CALN1: variants seen among roughly 807,000 people sequenced by gnomAD.
The protein encoded by CALN1 is calneuron 1.
Under a neutral mutation model 30.6 loss-of-function variants are expected in CALN1, and 17 were observed. That is an observed-to-expected ratio of 0.56 (90% CI 0.38 to 0.83). The LOEUF is 0.83. Among genes scored for constraint, CALN1 ranks in the 40% least tolerant of loss-of-function variants. The pLI, the probability that CALN1 is intolerant of heterozygous loss-of-function variation, is 0.00. For missense variants in CALN1, 291 were observed against 354.9 expected, an observed-to-expected ratio of 0.82 and a Z score of 1.45; for synonymous variants, 156 against 131.4, an observed-to-expected ratio of 1.19 and a Z score of -1.28.
rs528876740 is a variant in CALN1, at chr7:72,419,476, G to T, written c.-225-7201C>A. Among the ~76,000 whole-genome samples, 6 of 152,182 alleles carry T rather than the reference G, an allele frequency of 3.9e-5. No homozygotes were observed. In the South Asian group the frequency reaches 1.2e-3, roughly 32 times the overall value. ...CAGGTAATCCCCTAAGGCTGGGTTT[G>T]GGAGGCACTGATTTGCCTTTCTTGG... On this transcript the variant is annotated intron_variant, in intron 1 of 6. Transcript: ENST00000395276.
At chr7:72,133,017 G>A (rs977982901) in intron 3 of CALN1, among the ~76,000 whole-genome samples, 1 of 152,200 alleles carries the variant, frequency 6.6e-6, no homozygotes, top group South Asian at 2.1e-4. Context: ...CACTCTTTAT[G>A]AGAATCTAAT....
At position 72,364,173 on chromosome 7, in the gene CALN1, A is replaced by C. The variant is rs182554100; in HGVS notation, c.119+39078T>G. The stretch of plus-strand genomic sequence containing the variant: ...CTTCAGTAGAGAAGCATACCTCATT[A>C]CCAGATAAGAAAATACTTTTGTAAA... On this transcript the variant is annotated intron_variant, in intron 2 of 6. Transcript: ENST00000395275. Among the ~76,000 whole-genome samples the C allele has an allele frequency of 3.3e-5, 5 of 152,332 alleles. No homozygotes were observed. In the East Asian group the frequency reaches 9.6e-4, roughly 29 times the overall value.
chr7:72,169,577 C>A (rs1212854840), intron 3 of CALN1, among the ~76,000 whole-genome samples: 1 of 151,732 alleles, frequency 6.6e-6, no homozygotes, highest in East Asian at 1.9e-4. Flanking sequence ...TTTGCCTCAG[C>A]CTCTCAAAGT....
At chr7:72,313,296 G>T (rs572204783) in intron 2 of CALN1, among the ~76,000 whole-genome samples, 1 of 152,032 alleles carries the variant, frequency 6.6e-6, no homozygotes, top group Non-Finnish European at 1.5e-5. Flanking sequence ...TATTTAGTAA[G>T]CATTATTGGG....
At chr7:72,191,830 G>A (rs1790630874) in intron 3 of CALN1, among the ~76,000 whole-genome samples, 1 of 152,218 alleles carries the variant, frequency 6.6e-6, no homozygotes, top group Non-Finnish European at 1.5e-5. Context: ...TCTGAAGTGG[G>A]TTTCGCTGGA....
At chr7:71,851,208 A>AACACAC (rs56041427) in intron 5 of CALN1, among the ~76,000 whole-genome samples, 21,438 of 131,960 alleles carry the variant, frequency 0.16, 1,895 homozygotes, top group African/African-American at 0.18. Context: ...CCTTGTCTCA[A>AACACAC]ACACACACAC....
chr7:72,433,651 G>T (rs1808049853), intron 1 of CALN1, among the ~76,000 whole-genome samples: 1 of 152,082 alleles, frequency 6.6e-6, no homozygotes, highest in African/African-American at 2.4e-5. Context: ...AAGCATCTCA[G>T]GCTTCAGGTG....
At chr7:72,074,696 C>T (rs145338750) in intron 4 of CALN1, among the ~76,000 whole-genome samples, 234 of 152,336 alleles carry the variant, frequency 1.5e-3, no homozygotes, top group African/African-American at 5.3e-3. Context: ...GCTTAAGCCA[C>T]TGCACCTGGC....
At chr7:71,926,120 C>T (rs1236058098) in intron 5 of CALN1, among the ~76,000 whole-genome samples, 1 of 152,168 alleles carries the variant, frequency 6.6e-6, no homozygotes, top group East Asian at 1.9e-4. Context: ...GCCCTCTCAA[C>T]ACAGAAGCTA....
chr7:72,497,170 T>A, the CALN1 span, among the ~76,000 whole-genome samples: 1 of 152,200 alleles, frequency 6.6e-6, no homozygotes, highest in Non-Finnish European at 1.5e-5. Flanking sequence ...CCGGGCACAG[T>A]GGCTCATGCC....
intron 6 of CALN1, among the ~76,000 whole-genome samples, chr7:71,796,284 A>G (rs1160520901): frequency 6.6e-6 from 1 of 151,660 alleles, no homozygotes; most frequent in African/African-American, 2.4e-5. Flanking sequence ...ACATGTCAAT[A>G]TATGTCTTAA....
intron 5 of CALN1, among the ~76,000 whole-genome samples, chr7:71,868,568 C>T (rs998963911): frequency 7.2e-5 from 11 of 151,882 alleles, no homozygotes; most frequent in East Asian, 5.8e-4. Context: ...GACAGGGTTT[C>T]GCCACGTTAG....
At chr7:72,416,864 C>A (rs935126611), upstream of CALN1, among the ~76,000 whole-genome samples, 1 of 151,734 alleles carries the variant, frequency 6.6e-6, no homozygotes, top group Admixed American at 6.6e-5. Context: ...CTGGGGTGGG[C>A]TGGGCTGAGC....
chr7:72,228,544 C>A (rs2129550402), intron 3 of CALN1, among the ~76,000 whole-genome samples: 1 of 151,800 alleles, frequency 6.6e-6, no homozygotes, highest in South Asian at 2.1e-4. Context: ...TAAAAATACT[C>A]CAGCATTCAT....
chr7:71,827,065 G>C (rs943803145), intron 5 of CALN1, among the ~76,000 whole-genome samples: 1 of 152,212 alleles, frequency 6.6e-6, no homozygotes, highest in African/African-American at 2.4e-5. Context: ...TCCAGGTCAC[G>C]TCGCAGAGCC....
At chr7:71,830,356 T>C (rs796188991) in intron 5 of CALN1, among the ~76,000 whole-genome samples, 11 of 147,414 alleles carry the variant, frequency 7.5e-5, no homozygotes, top group African/African-American at 2.8e-4. Context: ...AGTTCTTTTT[T>C]TCTTTTTTTG....
chr7:72,349,222 A>T (rs1447092480), intron 2 of CALN1, among the ~76,000 whole-genome samples: 1 of 152,082 alleles, frequency 6.6e-6, no homozygotes, highest in African/African-American at 2.4e-5. Flanking sequence ...GCTACCTAAC[A>T]TATGTTCGAT....
At chr7:71,994,869 T>C (rs1295515073) in intron 5 of CALN1, among the ~76,000 whole-genome samples, 37 of 145,124 alleles carry the variant, frequency 2.5e-4, no homozygotes, top group African/African-American at 8.3e-4. Flanking sequence ...TTTTTTTTTT[T>C]CGAGACGGAG....
chr7:71,811,052 G>A (rs1441429525), intron 5 of CALN1, among the ~76,000 whole-genome samples: 5 of 151,798 alleles, frequency 3.3e-5, no homozygotes, highest in African/African-American at 9.7e-5. Flanking sequence ...CCGCCACCAC[G>A]CCCGGCTAAT....
Sources: gnomAD v4.1 joint callset for allele counts (sites outside exome capture counted in the v4.1 genomes callset) on GRCh38, gnomAD v4.1.1 for gene constraint, MANE v1.5 for transcripts, NCBI Gene and HGNC (gene_info 2026-07-23, HGNC 2026-07-21) for gene names.